Variants in GSE1 observed in about 807,000 individuals in gnomAD.
GSE1 encodes the protein Gse1 coiled-coil protein, also known as genetic suppressor element 1.
A neutral mutation model predicts 112.6 loss-of-function variants in GSE1; 32 were observed. The ratio of observed to expected loss-of-function variants is 0.28; its 90% CI spans 0.21 to 0.38. GSE1 has a LOEUF of 0.38. Among genes scored for constraint, GSE1 ranks in the 10% least tolerant of loss-of-function variants. The probability of loss-of-function intolerance (pLI) is 1.00; values close to 1 mark genes in which losing one functional copy is unlikely to be tolerated. For synonymous variants in GSE1, 1,115 were observed against 735.6 expected, an observed-to-expected ratio of 1.52 and a Z score of -8.35; for missense variants, 2,348 against 1,699.2, an observed-to-expected ratio of 1.38 and a Z score of -6.71.
chr16:85,243,245 A>T (rs548260414), intron 1 of GSE1, among the ~76,000 whole-genome samples: 48 of 152,368 alleles, frequency 3.2e-4, no homozygotes, highest in African/African-American at 1.1e-3. Flanking sequence ...CAGTTCTGCA[A>T]GTCCAAAGTG....
exon 1 of GSE1, chr16:85,170,472 C>G: frequency 1.0e-6 from 1 of 985,630 alleles, no homozygotes; most frequent in African/African-American, 1.7e-5. Context: ...TACGGGGCTT[C>G]TGCACCTCCG....
intron 2 of GSE1, among the ~76,000 whole-genome samples, chr16:85,357,839 C>T (rs894341063): frequency 6.6e-6 from 1 of 152,094 alleles, no homozygotes; most frequent in Non-Finnish European, 1.5e-5. Context: ...GTTCCAAAAC[C>T]GTAGTTTCAT....
chr16:85,205,683 A>C (rs2075102571), intron 1 of GSE1, among the ~76,000 whole-genome samples: 1 of 152,152 alleles, frequency 6.6e-6, no homozygotes, highest in Non-Finnish European at 1.5e-5. Context: ...TGCCCTGGGC[A>C]GCATGCGGTG....
chr16:85,620,801 C>G (rs910816792), intron 1 of GSE1, among the ~76,000 whole-genome samples: 32 of 152,004 alleles, frequency 2.1e-4, no homozygotes, highest in Admixed American at 1.1e-3. Flanking sequence ...TAGAGGGTCT[C>G]AGCCCTGGGT....
intron 2 of GSE1, among the ~76,000 whole-genome samples, chr16:85,486,828 G>A (rs1190750247): frequency 1.3e-5 from 2 of 152,252 alleles, no homozygotes; most frequent in Non-Finnish European, 1.5e-5. Context: ...TCCCGGCATG[G>A]CTGGGGCCTC....
intron 2 of GSE1, among the ~76,000 whole-genome samples, chr16:85,506,694 A>T (rs2051545886): frequency 6.6e-6 from 1 of 152,116 alleles, no homozygotes. Flanking sequence ...GCAGCGCCGT[A>T]ATCATAACAA....
At chr16:85,651,112 G>A (rs982971550) in intron 3 of GSE1, among the ~76,000 whole-genome samples, 2 of 119,070 alleles carry the variant, frequency 1.7e-5, no homozygotes, top group Non-Finnish European at 3.6e-5. Flanking sequence ...TTTCATCGTT[G>A]CAGCTGCGGC....
At chr16:85,646,899 G>GC (rs1015106970) in intron 2 of GSE1, among the ~76,000 whole-genome samples, 1 of 151,970 alleles carries the variant, frequency 6.6e-6, no homozygotes, top group Non-Finnish European at 1.5e-5. Flanking sequence ...ACAAGGGGGG[G>GC]GGTGGGGGCT....
In GSE1 at chr16:85,661,725, G is replaced by T. The variant is rs2052449649; in HGVS notation, c.2220G>T (p.Leu740=). 1 of 1,580,700 alleles carries T rather than the reference G, an allele frequency of 6.3e-7. No homozygotes were observed. Among genetic ancestry groups the T allele is most frequent in the African/African-American group, 1.3e-5 (1 of 74,244 alleles). The change falls in exon 9 of 16, where the codon CTG becomes CTT. Residue 740 remains leucine (L), a synonymous_variant. Coordinates refer to ENST00000253458, the MANE Select transcript of GSE1 (RefSeq NM_014615.5). ...AGCGCCGGAGGCTGGTCAGCAAGCT[G>T]GACCTGGAGGAGCGCAGGCGGCGGG... The part of the protein sequence containing the change: ...LQQRRRLVSK[L]DLEERRRREA...
intron 1 of GSE1, among the ~76,000 whole-genome samples, chr16:85,180,885 A>G (rs1312976291): frequency 6.6e-6 from 1 of 152,226 alleles, no homozygotes; most frequent in Non-Finnish European, 1.5e-5. Flanking sequence ...TCTGGAATTT[A>G]CGTACCAGTG....
intron 2 of GSE1, among the ~76,000 whole-genome samples, chr16:85,460,052 A>G (rs1373541919): frequency 2.6e-5 from 4 of 152,182 alleles, no homozygotes; most frequent in African/African-American, 9.7e-5. Flanking sequence ...CGCAGTGCAC[A>G]TACCTTCACC....
Position 85,400,802 on chromosome 16 carries a change from T to C in GSE1, c.2464+43159T>C, listed in dbSNP as rs1312559856. Among the ~76,000 whole-genome samples the C allele has an allele frequency of 5.2e-5, 3 of 57,928 alleles. No homozygotes were observed. In the East Asian group the frequency reaches 1.3e-3, roughly 26 times the overall value. 38.0% of individuals were successfully genotyped at this position (57,928 alleles called of 152,430 possible). Reference sequence around the variant, plus strand: ...TCTCTGTGTGTGTGGTGTGTGTCTCTGTATGATTTTGTGTCTGTGATTATG... The same window carrying C: ...TCTCTGTGTGTGTGGTGTGTGTCTCCGTATGATTTTGTGTCTGTGATTATG... On this transcript the variant is annotated intron_variant, in intron 2 of 2. Coordinates refer to the GSE1 transcript ENST00000637419.
At chr16:85,635,614 G>C (rs757414367) in intron 2 of GSE1, among the ~76,000 whole-genome samples, 2 of 152,216 alleles carry the variant, frequency 1.3e-5, no homozygotes, top group Non-Finnish European at 2.9e-5. Context: ...CGAGGTCAGA[G>C]CTGGCCCAGC....
intron 2 of GSE1, among the ~76,000 whole-genome samples, chr16:85,532,164 C>A (rs569747373): frequency 6.6e-6 from 1 of 152,154 alleles, no homozygotes; most frequent in Non-Finnish European, 1.5e-5. Context: ...ACTTTGATAA[C>A]CCCAAGCACA....
intron 1 of GSE1, among the ~76,000 whole-genome samples, chr16:85,566,502 G>C (rs1334167000): frequency 6.6e-6 from 1 of 152,232 alleles, no homozygotes; most frequent in East Asian, 1.9e-4. Flanking sequence ...GATGGAGGGC[G>C]CTATTGGCCA....
intron 1 of GSE1, among the ~76,000 whole-genome samples, chr16:85,320,130 G>A (rs1315962846): frequency 3.3e-5 from 5 of 152,236 alleles, no homozygotes; most frequent in Admixed American, 6.5e-5. Context: ...AGTCGGGGCC[G>A]GGGAATCCAT....
rs112198169 is a variant in GSE1, at chr16:85,423,691, C to A, written c.2464+66048C>A. 2.5e-3 allele frequency among the ~76,000 whole-genome samples: 382 copies of A among 151,626 alleles called. 2 individuals carry two copies. Among genetic ancestry groups the A allele is most frequent in the African/African-American group, 8.9e-3 (371 of 41,458 alleles). On this transcript the variant is annotated intron_variant, in intron 2 of 2. Coordinates refer to the GSE1 transcript ENST00000637419. ...TGTCCAGAGTGGGAGTCTTACTCCACCAAGCAGACCAAACCGTGGCAAGCG... is the reference window on the plus strand; with the variant it reads ...TGTCCAGAGTGGGAGTCTTACTCCAACAAGCAGACCAAACCGTGGCAAGCG...
At chr16:85,400,004 G>A (rs1056629129) in intron 2 of GSE1, among the ~76,000 whole-genome samples, 5 of 152,204 alleles carry the variant, frequency 3.3e-5, no homozygotes, top group African/African-American at 1.2e-4. Context: ...TGGGCGCACA[G>A]CAGCCCCTGA....
At chr16:85,270,923 C>T (rs2144178859) in intron 1 of GSE1, among the ~76,000 whole-genome samples, 1 of 152,324 alleles carries the variant, frequency 6.6e-6, no homozygotes, top group East Asian at 1.9e-4. Context: ...GACCTGGCTT[C>T]ACATACCTGC....
Sources: allele counts gnomAD v4.1 joint callset (sites outside exome capture counted in the v4.1 genomes callset), GRCh38; gene constraint gnomAD v4.1.1; transcripts MANE v1.5; gene names NCBI Gene and HGNC (gene_info 2026-07-23, HGNC 2026-07-21).